GDPD4: variants seen among roughly 807,000 people sequenced by gnomAD.
GDPD4 encodes glycerophosphodiester phosphodiesterase domain containing 4, also known as glycerophosphodiester phosphodiesterase 6.
A neutral mutation model predicts 67.8 loss-of-function variants in GDPD4; 60 were observed. The observed-to-expected ratio is 0.88, with a 90% CI of 0.72 to 1.10. The LOEUF (loss-of-function observed/expected upper bound fraction) is 1.10, where lower values mean the gene tolerates loss of function less well. Ranked by LOEUF, GDPD4 falls within the 50% of genes least tolerant of loss-of-function variation. The pLI, the probability that GDPD4 is intolerant of heterozygous loss-of-function variation, is 0.00. For synonymous variants in GDPD4, 212 were observed against 210.9 expected (o/e 1.00, Z -0.04); for missense variants, 623 against 613.9 (o/e 1.01, Z -0.16).
At chr11:77,221,981 T>C (rs1186149889) in intron 16 of GDPD4, among the ~76,000 whole-genome samples, 1 of 152,170 alleles carries the variant, frequency 6.6e-6, no homozygotes, top group Admixed American at 6.5e-5. Flanking sequence ...TACCATTATG[T>C]AATGGCCTTG....
At chr11:77,251,377 C>T (rs1469566160) in intron 11 of GDPD4, among the ~76,000 whole-genome samples, 6 of 151,900 alleles carry the variant, frequency 3.9e-5, no homozygotes, top group Non-Finnish European at 8.8e-5. Context: ...ATGCAGGGAT[C>T]CCTTGAATAT....
At chr11:77,237,905 A>G (rs1356752297) in intron 13 of GDPD4, among the ~76,000 whole-genome samples, 2 of 152,188 alleles carry the variant, frequency 1.3e-5, no homozygotes, top group East Asian at 1.9e-4. Flanking sequence ...TGAGTGACAG[A>G]GTGAGACCCT....
At chr11:77,282,219 A>G (rs1437680467) in intron 3 of GDPD4, among the ~76,000 whole-genome samples, 1 of 152,200 alleles carries the variant, frequency 6.6e-6, no homozygotes, top group Non-Finnish European at 1.5e-5. Context: ...TCAAGATTAC[A>G]TGTTGTAATT....
intron 3 of GDPD4, among the ~76,000 whole-genome samples, chr11:77,279,858 G>A (rs1203595166): frequency 6.6e-6 from 1 of 151,792 alleles, no homozygotes; most frequent in Admixed American, 6.6e-5. Context: ...TGTTCCTAAT[G>A]TAGCATATGA....
intron 5 of GDPD4, among the ~76,000 whole-genome samples, chr11:77,273,120 C>T (rs1050399240): frequency 4.1e-4 from 62 of 152,126 alleles, no homozygotes; most frequent in African/African-American, 1.4e-3. Context: ...AAATACATTT[C>T]GTGTGTTTAC....
intron 1 of GDPD4, among the ~76,000 whole-genome samples, chr11:77,293,730 T>A (rs1937857924): frequency 6.6e-6 from 1 of 152,206 alleles, no homozygotes; most frequent in South Asian, 2.1e-4. Context: ...AGGAATAGAA[T>A]GGCGAATATT....
At chr11:77,268,431 C>T in intron 10 of GDPD4, 26 bp downstream of exon 10, 8 of 1,529,658 alleles carry the variant, frequency 5.2e-6, no homozygotes, top group Non-Finnish European at 7.2e-6. Context: ...CCCTCCTCCC[C>T]TCACCCCAGT....
At chr11:77,284,794 T>C (rs1300206433) in intron 3 of GDPD4, among the ~76,000 whole-genome samples, 1 of 152,116 alleles carries the variant, frequency 6.6e-6, no homozygotes, top group African/African-American at 2.4e-5. Flanking sequence ...TACCAGGGAA[T>C]CATTATCTGA....
intron 16 of GDPD4, among the ~76,000 whole-genome samples, chr11:77,217,844 G>A (rs1341637891): frequency 6.6e-6 from 1 of 152,084 alleles, no homozygotes; most frequent in Non-Finnish European, 1.5e-5. Flanking sequence ...AAAACTGGAT[G>A]ATATACAAAA....
At chr11:77,248,662 C>T (rs751236377) in intron 11 of GDPD4, among the ~76,000 whole-genome samples, 39 of 152,220 alleles carry the variant, frequency 2.6e-4, no homozygotes, top group Non-Finnish European at 4.9e-4. Context: ...TACTTTGAGA[C>T]CATTGTCAGA....
At position 77,279,322 on chromosome 11, in the gene GDPD4, T is replaced by A; in HGVS notation, c.131A>T (p.Tyr44Phe). The change falls in exon 4 of 17, where the codon TAC becomes TTC. Residue 44 changes from tyrosine (Y) to phenylalanine (F), a missense_variant. Tyr to Phe is a conservative substitution (Grantham distance 22, BLOSUM62 3). Coordinates refer to ENST00000315938, the MANE Select transcript of GDPD4 (RefSeq NM_182833.3). The stretch of plus-strand genomic sequence containing the variant: ...ATTACTCACCAACAGCAATGAAGAG[T>A]AGGCAGTCAGGATCCTAGCTAAACT... ...ILSLARILTAYSSLLLLLGFL... is the reference protein window; with the variant it reads ...ILSLARILTAFSSLLLLLGFL... 6.2e-7 allele frequency: 1 copy of A among 1,607,612 alleles called. No individual in the cohort carries two copies. The highest frequency in any genetic ancestry group is 8.5e-7 in the Non-Finnish European group (1 of 1,174,402).
chr11:77,286,123 C>G (rs1282627947), intron 2 of GDPD4, among the ~76,000 whole-genome samples: 1 of 152,124 alleles, frequency 6.6e-6, no homozygotes, highest in African/African-American at 2.4e-5. Context: ...CATATCCTCT[C>G]CTTCATCTAA....
At chr11:77,263,324 G>A (rs1041550217) in intron 10 of GDPD4, among the ~76,000 whole-genome samples, 2 of 152,116 alleles carry the variant, frequency 1.3e-5, no homozygotes, top group Non-Finnish European at 1.5e-5. Context: ...CATACTATGA[G>A]AGAGATGAAA....
intron 10 of GDPD4, among the ~76,000 whole-genome samples, chr11:77,265,965 C>A (rs1959176164): frequency 6.6e-6 from 1 of 152,122 alleles, no homozygotes; most frequent in Non-Finnish European, 1.5e-5. Context: ...TGAGGTCCAT[C>A]CAAATAGCAG....
At chr11:77,290,176 G>C (rs1937725896) in intron 1 of GDPD4, among the ~76,000 whole-genome samples, 1 of 152,174 alleles carries the variant, frequency 6.6e-6, no homozygotes, top group South Asian at 2.1e-4. Flanking sequence ...TCACACATAA[G>C]AGAAACCAGT....
At chr11:77,256,868 T>G (rs1358395466) in intron 11 of GDPD4, among the ~76,000 whole-genome samples, 1 of 152,252 alleles carries the variant, frequency 6.6e-6, no homozygotes, top group South Asian at 2.1e-4. Flanking sequence ...TTGTAGAGCA[T>G]GTAGAACCAT....
intron 5 of GDPD4, among the ~76,000 whole-genome samples, chr11:77,275,314 T>G (rs1278572270): frequency 6.6e-6 from 1 of 152,234 alleles, no homozygotes; most frequent in African/African-American, 2.4e-5. Context: ...GGAAATATGC[T>G]GCATGCCTGC....
chr11:77,277,931 T>A (rs1384237406), intron 4 of GDPD4, among the ~76,000 whole-genome samples: 1 of 152,090 alleles, frequency 6.6e-6, no homozygotes, highest in African/African-American at 2.4e-5. Context: ...TTCTGGTATG[T>A]TGTGTCTTTG....
intron 11 of GDPD4, among the ~76,000 whole-genome samples, chr11:77,257,552 TACACACACACACACACAC>T (rs71043563): frequency 1.3e-4 from 17 of 134,344 alleles, no homozygotes; most frequent in African/African-American, 3.9e-4. Context: ...CTCCCTCTCC[TACACACACACACACACAC>T]ACACACACAC....
Sources: gnomAD v4.1 joint callset for allele counts (sites outside exome capture counted in the v4.1 genomes callset) on GRCh38, gnomAD v4.1.1 for gene constraint, MANE v1.5 for transcripts, NCBI Gene and HGNC (gene_info 2026-07-23, HGNC 2026-07-21) for gene names.